The following RANBP2 variants were observed in gnomAD, a reference collection of about 807,000 sequenced individuals.
RANBP2 encodes the protein E3 SUMO-protein ligase RanBP2.
In RANBP2, 57 loss-of-function variants were observed where a neutral mutation model predicts 303.6. The ratio of observed to expected loss-of-function variants is 0.19; its 90% CI spans 0.15 to 0.23. The LOEUF is 0.23. Among genes scored for constraint, RANBP2 ranks in the 10% least tolerant of loss-of-function variants. The probability of loss-of-function intolerance (pLI) is 1.00; values close to 1 mark genes in which losing one functional copy is unlikely to be tolerated. For synonymous variants in RANBP2, 1,167 were observed against 1,301.5 expected, an observed-to-expected ratio of 0.90 and a Z score of 2.23; for missense variants, 3,138 against 3,780.8, an observed-to-expected ratio of 0.83 and a Z score of 4.46.
chr2:108,736,731 T>G lies in RANBP2; in HGVS notation c.782+482T>G, dbSNP rs530631629. On this transcript the variant is annotated intron_variant, in intron 6 of 28. Transcript: ENST00000283195. Reference sequence around the variant, plus strand: ...TATGTGATTTACCTTTTTTCCTAAATTTTGATTTTGAAAACCAGTGTCTCC... The same window carrying G: ...TATGTGATTTACCTTTTTTCCTAAAGTTTGATTTTGAAAACCAGTGTCTCC... Among the ~76,000 whole-genome samples, 5 of 152,242 alleles carry G rather than the reference T, an allele frequency of 3.3e-5. No homozygotes were observed. The South Asian group carries it at 1.0e-3, about 32-fold the overall frequency.
the RANBP2 span, among the ~76,000 whole-genome samples, chr2:109,562,964 G>A: frequency 0.045 from 6,845 of 151,586 alleles, 476 homozygotes; most frequent in African/African-American, 0.15. Flanking sequence ...AGGTTGGAGT[G>A]CAGTGGCACG....
the RANBP2 span, among the ~76,000 whole-genome samples, chr2:108,964,444 C>G: frequency 6.6e-6 from 1 of 152,094 alleles, no homozygotes; most frequent in East Asian, 1.9e-4. Flanking sequence ...TTTCCCTAAA[C>G]TGAAGAGGAA....
At chr2:109,158,370 G>A in the RANBP2 span, among the ~76,000 whole-genome samples, 1 of 152,204 alleles carries the variant, frequency 6.6e-6, no homozygotes, top group Non-Finnish European at 1.5e-5. Flanking sequence ...ATCCTGGGGA[G>A]AATCCAGTGT....
the RANBP2 span, among the ~76,000 whole-genome samples, chr2:109,080,246 G>T: frequency 6.6e-6 from 1 of 152,070 alleles, no homozygotes; most frequent in Non-Finnish European, 1.5e-5. Context: ...TCCAGGGCGT[G>T]TTATAGCTGA....
the RANBP2 span, among the ~76,000 whole-genome samples, chr2:108,834,240 T>C: frequency 6.7e-6 from 1 of 148,476 alleles, no homozygotes; most frequent in Non-Finnish European, 1.5e-5. Flanking sequence ...TGAGACAGAG[T>C]CTCGCTCTGT....
chr2:108,894,266 A>G, the RANBP2 span, among the ~76,000 whole-genome samples: 1 of 152,208 alleles, frequency 6.6e-6, no homozygotes, highest in African/African-American at 2.4e-5. Flanking sequence ...TGGTTTTTAC[A>G]TGATCTCTTT....
At chr2:109,587,562 A>C in the RANBP2 span, among the ~76,000 whole-genome samples, 9 of 152,228 alleles carry the variant, frequency 5.9e-5, no homozygotes, top group Admixed American at 2.0e-4. Context: ...CAAACAGGAA[A>C]TATCCAAAGG....
At chr2:108,787,482 G>GAAA (rs1679075475), downstream of RANBP2, among the ~76,000 whole-genome samples, 2 of 152,076 alleles carry the variant, frequency 1.3e-5, no homozygotes, top group African/African-American at 2.4e-5. Flanking sequence ...GCATAAGGAC[G>GAAA]TTGTCTTTTA....
chr2:108,968,294 A>G, the RANBP2 span, among the ~76,000 whole-genome samples: 2 of 152,282 alleles, frequency 1.3e-5, no homozygotes, highest in Non-Finnish European at 2.9e-5. Flanking sequence ...ACATACTTCA[A>G]CATTTAAGAT....
the RANBP2 span, among the ~76,000 whole-genome samples, chr2:109,104,977 G>A: frequency 2.6e-5 from 4 of 152,220 alleles, no homozygotes; most frequent in African/African-American, 9.6e-5. Context: ...TACTGTTAGA[G>A]TAGGTAGCTA....
the RANBP2 span, chr2:109,613,160 G>A: frequency 7.8e-7 from 1 of 1,288,700 alleles, no homozygotes; most frequent in Non-Finnish European, 1.0e-6. Flanking sequence ...TACTATTAAC[G>A]AAAATAGTTG....
At chr2:109,710,060 C>G in the RANBP2 span, among the ~76,000 whole-genome samples, 35 of 147,876 alleles carry the variant, frequency 2.4e-4, no homozygotes, top group Admixed American at 4.1e-4. Context: ...GCACTCCTGC[C>G]TGGGTGACAG....
chr2:109,046,369 T>C, the RANBP2 span, among the ~76,000 whole-genome samples: 1 of 113,478 alleles, frequency 8.8e-6, no homozygotes, highest in African/African-American at 3.3e-5. Flanking sequence ...GGGTAACTGC[T>C]TTTTTTTTTT....
the RANBP2 span, among the ~76,000 whole-genome samples, chr2:109,121,471 G>T: frequency 4.6e-5 from 7 of 152,182 alleles, no homozygotes; most frequent in African/African-American, 1.7e-4. Flanking sequence ...TTAAACAGGT[G>T]CACAGCATCT....
chr2:109,391,027 GC>G, the RANBP2 span, among the ~76,000 whole-genome samples: 4 of 152,240 alleles, frequency 2.6e-5, no homozygotes, highest in African/African-American at 9.6e-5. Context: ...GGTGCCACCT[GC>G]CTCTCATGGG....
At chr2:108,835,661 A>T in the RANBP2 span, among the ~76,000 whole-genome samples, 1 of 152,216 alleles carries the variant, frequency 6.6e-6, no homozygotes. Context: ...CGAAAACATA[A>T]AAAATTTATT....
chr2:109,342,361 G>A, the RANBP2 span, among the ~76,000 whole-genome samples: 16 of 152,310 alleles, frequency 1.1e-4, no homozygotes, highest in African/African-American at 3.6e-4. Context: ...GTGTTCATTC[G>A]TTCAGTAGAT....
At chr2:109,639,745 C>T in the RANBP2 span, among the ~76,000 whole-genome samples, 14 of 150,650 alleles carry the variant, frequency 9.3e-5, no homozygotes, top group African/African-American at 3.2e-4. Flanking sequence ...CAGAGTCTCA[C>T]TCTGTCACCC....
chr2:109,545,092 CT>C, the RANBP2 span: 1 of 985,370 alleles, frequency 1.0e-6, no homozygotes, highest in Non-Finnish European at 1.2e-6. Flanking sequence ...GAAAATGGGT[CT>C]GAAATAGATG....
Sources: gnomAD v4.1 joint callset for allele counts (sites outside exome capture counted in the v4.1 genomes callset) on GRCh38, gnomAD v4.1.1 for gene constraint, MANE v1.5 for transcripts, NCBI Gene and HGNC (gene_info 2026-07-23, HGNC 2026-07-21) for gene names.